DPP6: variants seen among roughly 807,000 people sequenced by gnomAD.
The protein encoded by DPP6 is A-type potassium channel modulatory protein DPP6.
A neutral mutation model predicts 122.6 loss-of-function variants in DPP6; 69 were observed. That is an observed-to-expected ratio of 0.56 (90% CI 0.46 to 0.69). The LOEUF (loss-of-function observed/expected upper bound fraction) is 0.69, where lower values mean the gene tolerates loss of function less well. DPP6 is among the 30% of genes least tolerant of loss of function. DPP6 has a pLI of 0.00. For synonymous variants in DPP6, 418 were observed against 433.1 expected (o/e 0.97, Z 0.43); for missense variants, 928 against 1,116.9 (o/e 0.83, Z 2.41).
At chr7:154,889,804 G>A (rs548983112) in intron 25 of DPP6, 97 of 478,524 alleles carry the variant, frequency 2.0e-4, no homozygotes, top group African/African-American at 1.5e-3. Flanking sequence ...CCCCTCCTCC[G>A]GGCAGTGAGA....
In DPP6 at chr7:153,965,056, T is replaced by G. The variant is rs372893463; in HGVS notation, c.51+77322T>G. ...CCTTTCTTTCTCTCAGAATTCAGAC[T>G]TTGGTTAATTGTGACAAACCTATTA... On this transcript the variant is annotated intron_variant, in intron 1 of 25. Transcript: ENST00000404039. Among the ~76,000 whole-genome samples, 14 of 146,466 alleles carry G rather than the reference T, an allele frequency of 9.6e-5. No individual in the cohort carries two copies. The East Asian group carries it at 2.7e-3, about 28-fold the overall frequency.
chr7:154,632,132 T>C (rs967954783), intron 5 of DPP6, among the ~76,000 whole-genome samples: 1 of 152,216 alleles, frequency 6.6e-6, no homozygotes, highest in African/African-American at 2.4e-5. Flanking sequence ...CTTCAAACAA[T>C]TGGCTACGTT....
At chr7:154,861,628 A>ATAAT (rs1373137098) in intron 17 of DPP6, among the ~76,000 whole-genome samples, 2 of 152,222 alleles carry the variant, frequency 1.3e-5, no homozygotes, top group African/African-American at 4.8e-5. Flanking sequence ...AATTATTATC[A>ATAAT]TAATTATCAC....
rs149199293 is a variant in DPP6 at position 154,842,258 on chromosome 7, T to C, written c.1667-11522T>C. Reference sequence around the variant, plus strand: ...GCCAGCCAGGCTGTTTGAATCTCCATTGTTTACATACTAGGAGTTTAGCTG... The same window carrying C: ...GCCAGCCAGGCTGTTTGAATCTCCACTGTTTACATACTAGGAGTTTAGCTG... On this transcript the variant is annotated intron_variant, in intron 16 of 25. Coordinates refer to ENST00000377770, the MANE Select transcript of DPP6 (RefSeq NM_130797.4). Among the ~76,000 whole-genome samples the C allele has an allele frequency of 2.6e-3, 400 of 152,348 alleles. 2 individuals carry two copies. The highest frequency in any genetic ancestry group is 9.3e-3 in the African/African-American group (386 of 41,576).
chr7:154,144,454 T>C (rs1795993678), intron 1 of DPP6, among the ~76,000 whole-genome samples: 2 of 152,338 alleles, frequency 1.3e-5, no homozygotes, highest in Admixed American at 1.3e-4. Flanking sequence ...CAATTTGGGA[T>C]CTCTGTGAAT....
intron 1 of DPP6, among the ~76,000 whole-genome samples, chr7:154,152,275 G>A (rs537529787): frequency 0.014 from 2,171 of 152,208 alleles, 45 homozygotes; most frequent in African/African-American, 0.049. Flanking sequence ...GCTGCTGCCT[G>A]TCCAGCACAT....
chr7:154,020,606 G>A (rs1238042748), intron 1 of DPP6, among the ~76,000 whole-genome samples: 3 of 152,118 alleles, frequency 2.0e-5, no homozygotes, highest in East Asian at 1.9e-4. Flanking sequence ...CATTCTTGCC[G>A]TGCTGACTTG....
At chr7:154,329,718 C>T (rs1808753120) in intron 1 of DPP6, among the ~76,000 whole-genome samples, 1 of 152,170 alleles carries the variant, frequency 6.6e-6, no homozygotes, top group Non-Finnish European at 1.5e-5. Context: ...TCTATAAGGA[C>T]ACTTGCACAC....
chr7:154,108,935 G>A (rs2150581719), intron 1 of DPP6, among the ~76,000 whole-genome samples: 1 of 152,306 alleles, frequency 6.6e-6, no homozygotes, highest in South Asian at 2.1e-4. Flanking sequence ...TTTTAAGTGT[G>A]AAAATGTTCT....
chr7:154,357,431 C>T lies in DPP6; in HGVS notation c.244-88783C>T, dbSNP rs1811360410. Among the ~76,000 whole-genome samples the T allele has an allele frequency of 2.6e-5, 4 of 152,246 alleles. No homozygotes were observed. In the South Asian group the frequency reaches 8.3e-4, roughly 32 times the overall value. ...ATGCAATTTTATTCTAGCCAAATTG[C>T]TGTTAATTGCATCAACGGCTTTGGT... On this transcript the variant is annotated intron_variant, in intron 1 of 25. Transcript: ENST00000377770.
At chr7:154,525,621 A>G (rs6972981) in intron 3 of DPP6, among the ~76,000 whole-genome samples, 1 of 152,062 alleles carries the variant, frequency 6.6e-6, no homozygotes, top group Admixed American at 6.5e-5. Flanking sequence ...TAACTGTCAT[A>G]TGATTATCAG....
intron 5 of DPP6, among the ~76,000 whole-genome samples, chr7:154,616,432 C>G (rs542740189): frequency 1.3e-5 from 2 of 152,266 alleles, no homozygotes; most frequent in South Asian, 2.1e-4. Context: ...ACGCCCCCCT[C>G]CCCTCCTTTA....
chr7:154,720,723 G>A (rs1051623447), intron 7 of DPP6, among the ~76,000 whole-genome samples: 1 of 152,248 alleles, frequency 6.6e-6, no homozygotes, highest in Non-Finnish European at 1.5e-5. Flanking sequence ...TGCAGGTACT[G>A]GCTGAGTGCC....
intron 1 of DPP6, among the ~76,000 whole-genome samples, chr7:154,023,672 G>A (rs1011867141): frequency 1.1e-4 from 17 of 151,814 alleles, no homozygotes; most frequent in African/African-American, 3.4e-4. Flanking sequence ...AATACAGACA[G>A]GGTTTCACCA....
rs1261660289 is a variant in DPP6, at chr7:154,036,019, CTTGTGTGTGTGTGTGTGT to C, written c.51+148286_51+148303del. On this transcript the variant is annotated intron_variant, in intron 1 of 25. Coordinates refer to the DPP6 transcript ENST00000404039. ...GAATGGCCAGGATTACGCGCGCGCGCTTGTGTGTGTGTGTGTGTGTGTGTGTGTATGTGAAAATAAACA... is the reference window on the plus strand; with the variant it reads ...GAATGGCCAGGATTACGCGCGCGCGCGTGTGTGTGTATGTGAAAATAAACA... 2.0e-5 allele frequency among the ~76,000 whole-genome samples: 3 copies of C among 148,310 alleles called. 1 individual carries two copies. The highest frequency in any genetic ancestry group is 7.4e-5 in the African/African-American group (3 of 40,466).
Position 154,416,645 on chromosome 7 carries a change from T to TGG in DPP6, c.244-29565_244-29564dup, listed in dbSNP as rs1449149002. Reference sequence around the variant, plus strand: ...GACATCTGCAGTTTCAGGCATCCACTGGGGGCATCCCCTTGGCGTGTATTC... The same window carrying TGG: ...GACATCTGCAGTTTCAGGCATCCACTGGGGGGGCATCCCCTTGGCGTGTATTC... On this transcript the variant is annotated intron_variant, in intron 1 of 25. Transcript: ENST00000377770. Among the ~76,000 whole-genome samples, 12 of 119,894 alleles carry TGG rather than the reference T, an allele frequency of 1.0e-4. No homozygotes were observed. In the Admixed American group the frequency reaches 1.1e-3, roughly 11 times the overall value. 78.7% of individuals were successfully genotyped at this position (119,894 alleles called of 152,430 possible).
chr7:153,941,854 CCTCTCTCT>C (rs1218829286), intron 1 of DPP6, among the ~76,000 whole-genome samples: 1 of 152,072 alleles, frequency 6.6e-6, no homozygotes, highest in African/African-American at 2.4e-5. Context: ...CTCCTCTCTC[CCTCTCTCT>C]GTTTCTGTTT....
chr7:153,817,616 T>C, the DPP6 span, among the ~76,000 whole-genome samples: 1 of 151,702 alleles, frequency 6.6e-6, no homozygotes, highest in African/African-American at 2.4e-5. Context: ...ATTTCCTTTG[T>C]AGGAACATGG....
intron 1 of DPP6, among the ~76,000 whole-genome samples, chr7:153,959,265 T>C (rs1240491463): frequency 6.6e-6 from 1 of 151,892 alleles, no homozygotes; most frequent in Non-Finnish European, 1.5e-5. Context: ...GCACATAGCA[T>C]GCTCGTTACT....
Sources: allele counts gnomAD v4.1 joint callset (sites outside exome capture counted in the v4.1 genomes callset), GRCh38; gene constraint gnomAD v4.1.1; transcripts MANE v1.5; gene names NCBI Gene and HGNC (gene_info 2026-07-23, HGNC 2026-07-21).